SEZ6L: variants seen among roughly 807,000 people sequenced by gnomAD.
SEZ6L encodes the protein seizure related 6 homolog like.
A neutral mutation model predicts 106.2 loss-of-function variants in SEZ6L; 37 were observed. The ratio of observed to expected loss-of-function variants is 0.35; its 90% CI spans 0.27 to 0.46. The LOEUF is 0.46. Ranked by LOEUF, SEZ6L falls within the 20% of genes least tolerant of loss-of-function variation. The pLI is 1.00. For missense variants in SEZ6L, 1,172 were observed against 1,332.8 expected (o/e 0.88, Z 1.88); for synonymous variants, 541 against 570.4 (o/e 0.95, Z 0.73).
At chr22:26,255,603 C>T (rs1198822169) in intron 1 of SEZ6L, among the ~76,000 whole-genome samples, 1 of 152,220 alleles carries the variant, frequency 6.6e-6, no homozygotes, top group Non-Finnish European at 1.5e-5. Context: ...GGAATTAGGC[C>T]TGTTCCTGTC....
At chr22:26,258,608 A>G (rs1602189666) in intron 1 of SEZ6L, among the ~76,000 whole-genome samples, 1 of 152,382 alleles carries the variant, frequency 6.6e-6, no homozygotes, top group South Asian at 2.1e-4. Flanking sequence ...AAGTTGGGGT[A>G]CAATGATATT....
At chr22:26,282,929 CT>C (rs368078953) in intron 1 of SEZ6L, among the ~76,000 whole-genome samples, 1,852 of 151,320 alleles carry the variant, frequency 0.012, 19 homozygotes, top group Middle Eastern at 0.044. Context: ...AATGCAATTT[CT>C]TTTTTTTTGA....
chr22:26,342,321 A>AC (rs2082861869), intron 10 of SEZ6L, among the ~76,000 whole-genome samples: 1 of 152,106 alleles, frequency 6.6e-6, no homozygotes, highest in Non-Finnish European at 1.5e-5. Flanking sequence ...CTCTGCCACC[A>AC]CCACTACCAC....
chr22:26,377,647 A>G, intron 15 of SEZ6L, 26 bp from the exon 16 acceptor site: 1 of 1,561,164 alleles, frequency 6.4e-7, no homozygotes, highest in Non-Finnish European at 8.8e-7. Flanking sequence ...GGGAGAAGTA[A>G]CTTCTCTCTC....
At chr22:26,274,581 T>A (rs915466285) in intron 1 of SEZ6L, among the ~76,000 whole-genome samples, 1 of 152,134 alleles carries the variant, frequency 6.6e-6, no homozygotes, top group African/African-American at 2.4e-5. Flanking sequence ...TACTTCAGCT[T>A]CAATAATTCA....
intron 1 of SEZ6L, among the ~76,000 whole-genome samples, chr22:26,257,090 T>A (rs1326933013): frequency 1.3e-5 from 2 of 152,044 alleles, no homozygotes; most frequent in Non-Finnish European, 2.9e-5. Flanking sequence ...CCACAACAGG[T>A]GGGGTGGGGT....
chr22:26,244,155 C>T (rs879789817), intron 1 of SEZ6L, among the ~76,000 whole-genome samples: 2 of 127,858 alleles, frequency 1.6e-5, no homozygotes, highest in Non-Finnish European at 3.3e-5. Context: ...AAAGTGAGAC[C>T]CTATCTCAAA....
intron 1 of SEZ6L, among the ~76,000 whole-genome samples, chr22:26,273,668 C>T (rs754724737): frequency 1.1e-4 from 17 of 152,180 alleles, no homozygotes; most frequent in South Asian, 8.3e-4. Flanking sequence ...CCAGTGAGAA[C>T]GTTGACTCTG....
At chr22:26,182,395 C>A (rs1246845000) in intron 1 of SEZ6L, among the ~76,000 whole-genome samples, 2 of 152,150 alleles carry the variant, frequency 1.3e-5, no homozygotes, top group African/African-American at 4.8e-5. Flanking sequence ...CATTTACTGG[C>A]TGCATAACTT....
intron 1 of SEZ6L, among the ~76,000 whole-genome samples, chr22:26,186,607 A>G (rs1175646483): frequency 6.6e-6 from 1 of 152,198 alleles, no homozygotes; most frequent in Non-Finnish European, 1.5e-5. Flanking sequence ...ATGATCAGAC[A>G]TCACCTGGAG....
intron 1 of SEZ6L, among the ~76,000 whole-genome samples, chr22:26,213,504 T>C (rs2078218113): frequency 6.6e-6 from 1 of 152,262 alleles, no homozygotes; most frequent in Non-Finnish European, 1.5e-5. Context: ...CCATGGACAT[T>C]GTCACCCCAA....
chr22:26,290,322 G>A (rs1358913202), intron 1 of SEZ6L, among the ~76,000 whole-genome samples: 2 of 152,140 alleles, frequency 1.3e-5, no homozygotes, highest in Admixed American at 1.3e-4. Context: ...ACGAGGTCAG[G>A]AGATCGAGAC....
intron 1 of SEZ6L, among the ~76,000 whole-genome samples, chr22:26,256,126 T>A (rs1242156545): frequency 1.3e-5 from 2 of 151,982 alleles, no homozygotes; most frequent in African/African-American, 4.8e-5. Flanking sequence ...TAAGCAAAGA[T>A]AAAAATGGGA....
intron 1 of SEZ6L, among the ~76,000 whole-genome samples, chr22:26,197,361 C>T (rs1215573783): frequency 6.6e-6 from 1 of 152,200 alleles, no homozygotes; most frequent in Non-Finnish European, 1.5e-5. Flanking sequence ...TATTGCATGA[C>T]AGGTGTTCAG....
chr22:26,294,544 G>A (rs1601411365), intron 3 of SEZ6L, 119 bp downstream of exon 3: 7 of 950,590 alleles, frequency 7.4e-6, no homozygotes, highest in East Asian at 2.5e-5. Context: ...GCCCAACCAG[G>A]CCAACTTTAG....
chr22:26,251,344 T>G (rs1326889880), intron 1 of SEZ6L, among the ~76,000 whole-genome samples: 3 of 59,738 alleles, frequency 5.0e-5, no homozygotes, highest in Non-Finnish European at 1.6e-4. Context: ...GAAAGTTTTT[T>G]TTTTTTTTTT....
intron 10 of SEZ6L, among the ~76,000 whole-genome samples, chr22:26,346,671 G>T (rs1183222820): frequency 6.6e-6 from 1 of 152,192 alleles, no homozygotes; most frequent in Non-Finnish European, 1.5e-5. Flanking sequence ...GCTCACACAT[G>T]TGGCTGGCAA....
At chr22:26,206,820 A>G (rs1941295686) in intron 1 of SEZ6L, among the ~76,000 whole-genome samples, 1 of 152,242 alleles carries the variant, frequency 6.6e-6, no homozygotes, top group East Asian at 1.9e-4. Flanking sequence ...AGATGAACTC[A>G]GAGTAACTGA....
chr22:26,216,851 C>T (rs1206219205), intron 1 of SEZ6L, among the ~76,000 whole-genome samples: 1 of 151,996 alleles, frequency 6.6e-6, no homozygotes, highest in Non-Finnish European at 1.5e-5. Context: ...ATTATTGTCC[C>T]CAGTTTGCAT....
Sources: gnomAD v4.1 joint callset for allele counts (sites outside exome capture counted in the v4.1 genomes callset) on GRCh38, gnomAD v4.1.1 for gene constraint, MANE v1.5 for transcripts, NCBI Gene and HGNC (gene_info 2026-07-23, HGNC 2026-07-21) for gene names.